The following CADPS2 variants were observed in gnomAD, a reference collection of about 807,000 sequenced individuals.
The protein encoded by CADPS2 is calcium-dependent secretion activator 2.
A neutral mutation model predicts 172.5 loss-of-function variants in CADPS2; 93 were observed. The observed-to-expected ratio is 0.54, with a 90% CI of 0.46 to 0.64. The LOEUF (loss-of-function observed/expected upper bound fraction) is 0.64. Ranked by LOEUF, CADPS2 falls within the 30% of genes least tolerant of loss-of-function variation. CADPS2 has a pLI of 0.00. For missense variants in CADPS2, 1,420 were observed against 1,565.9 expected (o/e 0.91, Z 1.57); for synonymous variants, 546 against 555.2 (o/e 0.98, Z 0.23).
intron 8 of CADPS2, among the ~76,000 whole-genome samples, chr7:122,518,435 TA>T (rs1423099738): frequency 2.6e-5 from 4 of 152,226 alleles, no homozygotes; most frequent in African/African-American, 9.6e-5. Flanking sequence ...TAACTTGTCT[TA>T]AAAAATTTGT....
intron 2 of CADPS2, among the ~76,000 whole-genome samples, chr7:122,720,549 T>C (rs1379225613): frequency 6.6e-6 from 1 of 151,608 alleles, no homozygotes; most frequent in Non-Finnish European, 1.5e-5. Flanking sequence ...TATGTGTATG[T>C]ATATATGCAT....
At chr7:122,524,826 T>C (rs984673814) in intron 8 of CADPS2, among the ~76,000 whole-genome samples, 2 of 152,200 alleles carry the variant, frequency 1.3e-5, no homozygotes, top group African/African-American at 2.4e-5. Context: ...TCTTCACTTC[T>C]AACATATTTT....
At chr7:122,505,648 C>A (rs148507913) in intron 9 of CADPS2, among the ~76,000 whole-genome samples, 1 of 152,110 alleles carries the variant, frequency 6.6e-6, no homozygotes, top group Non-Finnish European at 1.5e-5. Flanking sequence ...AAAATACCAA[C>A]AACTAACAGA....
intron 7 of CADPS2, among the ~76,000 whole-genome samples, chr7:122,569,917 ACCAT>A (rs1203047316): frequency 2.4e-3 from 352 of 145,424 alleles, no homozygotes; most frequent in Non-Finnish European, 4.4e-3. Context: ...TAGACCTAAA[ACCAT>A]AAAAACCCTA....
At chr7:122,586,194 T>C (rs1563779833) in intron 6 of CADPS2, among the ~76,000 whole-genome samples, 1 of 151,974 alleles carries the variant, frequency 6.6e-6, no homozygotes, top group Non-Finnish European at 1.5e-5. Flanking sequence ...TTTAAAAAAA[T>C]GGAGTACCTT....
chr7:122,586,807 TC>T (rs1252829965), intron 6 of CADPS2, among the ~76,000 whole-genome samples: 1 of 152,036 alleles, frequency 6.6e-6, no homozygotes, highest in African/African-American at 2.4e-5. Context: ...AGAATCTATT[TC>T]CTTTATATTG....
chr7:122,873,341 C>T (rs531212205), intron 1 of CADPS2, among the ~76,000 whole-genome samples: 10 of 152,204 alleles, frequency 6.6e-5, no homozygotes, highest in Non-Finnish European at 1.0e-4. Context: ...ACCCAATAGG[C>T]CCTGGTGTGT....
At chr7:122,739,988 T>C (rs1220041603) in intron 1 of CADPS2, among the ~76,000 whole-genome samples, 4 of 152,156 alleles carry the variant, frequency 2.6e-5, no homozygotes, top group Admixed American at 1.3e-4. Flanking sequence ...ATAAAAGATG[T>C]TCCACCTCAT....
At chr7:122,775,385 T>C (rs1008079593) in intron 1 of CADPS2, among the ~76,000 whole-genome samples, 6 of 152,208 alleles carry the variant, frequency 3.9e-5, no homozygotes, top group Non-Finnish European at 7.3e-5. Flanking sequence ...CTGTCTTTGC[T>C]GCCAGATCCC....
At chr7:122,491,481 G>GT (rs902401244) in intron 9 of CADPS2, 61 bp from the exon 10 acceptor site, 11 of 805,054 alleles carry the variant, frequency 1.4e-5, no homozygotes, top group African/African-American at 7.1e-5. Flanking sequence ...TTTAACTTTC[G>GT]TTTTTTTATC....
At chr7:122,826,811 T>A (rs1223641320) in intron 1 of CADPS2, among the ~76,000 whole-genome samples, 1 of 151,774 alleles carries the variant, frequency 6.6e-6, no homozygotes, top group Non-Finnish European at 1.5e-5. Flanking sequence ...GAAAGGAAAA[T>A]TTGTAGCATT....
At chr7:122,827,392 C>T (rs1259961059) in intron 1 of CADPS2, among the ~76,000 whole-genome samples, 2 of 61,684 alleles carry the variant, frequency 3.2e-5, no homozygotes, top group African/African-American at 1.5e-4. Flanking sequence ...TGTGGTGGCT[C>T]ACACATGTAA....
intron 2 of CADPS2, among the ~76,000 whole-genome samples, chr7:122,727,340 T>C (rs1019126973): frequency 5.9e-5 from 9 of 151,786 alleles, no homozygotes; most frequent in South Asian, 2.1e-4. Flanking sequence ...CTGAAGTAAA[T>C]TGCATGTGCT....
intron 1 of CADPS2, among the ~76,000 whole-genome samples, chr7:122,840,994 G>C (rs1455805060): frequency 6.6e-6 from 1 of 152,116 alleles, no homozygotes; most frequent in Non-Finnish European, 1.5e-5. Context: ...AACTGAGCAA[G>C]AGTTTATGTA....
chr7:122,785,589 G>A (rs145899999), intron 1 of CADPS2, among the ~76,000 whole-genome samples: 176 of 152,304 alleles, frequency 1.2e-3, no homozygotes, highest in African/African-American at 3.8e-3. Flanking sequence ...AGAAATAGCA[G>A]TGGAAAGCCT....
At chr7:122,428,241 G>C (rs2049406684) in intron 17 of CADPS2, among the ~76,000 whole-genome samples, 1 of 152,038 alleles carries the variant, frequency 6.6e-6, no homozygotes, top group Non-Finnish European at 1.5e-5. Context: ...TGGTGCAAAA[G>C]CAATAGTACG....
chr7:122,524,010 A>G (rs2061013424), intron 8 of CADPS2, among the ~76,000 whole-genome samples: 1 of 152,182 alleles, frequency 6.6e-6, no homozygotes, highest in South Asian at 2.1e-4. Context: ...GACATTTTGC[A>G]TCTCTTGGCA....
intron 2 of CADPS2, among the ~76,000 whole-genome samples, chr7:122,691,589 C>T (rs1253819824): frequency 2.0e-5 from 3 of 152,200 alleles, no homozygotes; most frequent in Non-Finnish European, 2.9e-5. Flanking sequence ...GTTCGCATAA[C>T]GTCATCAACA....
At chr7:122,770,653 C>G (rs1322592743) in intron 1 of CADPS2, among the ~76,000 whole-genome samples, 1 of 152,154 alleles carries the variant, frequency 6.6e-6, no homozygotes, top group Non-Finnish European at 1.5e-5. Flanking sequence ...TTGCTTGGAG[C>G]AAATGCAGAG....
Sources: allele counts gnomAD v4.1 joint callset (sites outside exome capture counted in the v4.1 genomes callset), GRCh38; gene constraint gnomAD v4.1.1; transcripts MANE v1.5; gene names NCBI Gene and HGNC (gene_info 2026-07-23, HGNC 2026-07-21).